SPATA16: variants seen among roughly 807,000 people sequenced by gnomAD.
SPATA16 encodes spermatogenesis associated 16.
Under a neutral mutation model 63.3 loss-of-function variants are expected in SPATA16, and 36 were observed. That is an observed-to-expected ratio of 0.57 (90% confidence interval 0.44 to 0.75). The LOEUF (loss-of-function observed/expected upper bound fraction) is 0.75. Among genes scored for constraint, SPATA16 ranks in the 30% least tolerant of loss-of-function variants. The probability of loss-of-function intolerance (pLI) is 0.00; values close to 1 mark genes in which losing one functional copy is unlikely to be tolerated. For missense variants in SPATA16, 646 were observed against 679.3 expected, an observed-to-expected ratio of 0.95 and a Z score of 0.54; for synonymous variants, 203 against 216.7, an observed-to-expected ratio of 0.94 and a Z score of 0.56.
intron 2 of SPATA16, among the ~76,000 whole-genome samples, chr3:173,086,645 AC>A (rs777529085): frequency 1.3e-5 from 2 of 152,018 alleles, no homozygotes; most frequent in Non-Finnish European, 2.9e-5. Context: ...TCAATTTGAG[AC>A]CTTTCTAGCT....
chr3:173,049,787 G>T (rs780350942), intron 2 of SPATA16, among the ~76,000 whole-genome samples: 58 of 152,058 alleles, frequency 3.8e-4, no homozygotes, highest in Non-Finnish European at 6.6e-4. Flanking sequence ...TGTAGAGAAA[G>T]AAAATAATTA....
Position 173,038,909 on chromosome 3 carries a change from T to C in SPATA16, c.758+10040A>G, listed in dbSNP as rs147812896. ...GTTGAGGAAGATATTGTCATGATCTTATGTTTAGAAATCTAGAAATTGAGG... is the reference window on the plus strand; with the variant it reads ...GTTGAGGAAGATATTGTCATGATCTCATGTTTAGAAATCTAGAAATTGAGG... On this transcript the variant is annotated intron_variant, in intron 3 of 10. Coordinates refer to ENST00000351008, the MANE Select transcript of SPATA16 (RefSeq NM_031955.6). 1.1e-3 allele frequency among the ~76,000 whole-genome samples: 174 copies of C among 152,260 alleles called. 3 individuals are homozygous for C. The East Asian group carries it at 0.03, about 27-fold the overall frequency.
At chr3:172,923,087 G>A (rs1339754572) in intron 8 of SPATA16, among the ~76,000 whole-genome samples, 1 of 152,200 alleles carries the variant, frequency 6.6e-6, no homozygotes, top group Non-Finnish European at 1.5e-5. Context: ...ACACGGTGAT[G>A]GTTCTGGTTA....
intron 6 of SPATA16, among the ~76,000 whole-genome samples, chr3:172,945,878 G>C (rs946160785): frequency 1.6e-4 from 24 of 152,232 alleles, no homozygotes; most frequent in Middle Eastern, 6.8e-3. Context: ...GTGGACTTGG[G>C]GTACATGACA....
At chr3:173,111,869 A>T (rs1737758270) in intron 2 of SPATA16, among the ~76,000 whole-genome samples, 1 of 152,214 alleles carries the variant, frequency 6.6e-6, no homozygotes, top group Non-Finnish European at 1.5e-5. Context: ...TGATTCCCAA[A>T]AGCTGGTTCT....
intron 2 of SPATA16, among the ~76,000 whole-genome samples, chr3:173,106,947 A>C (rs1737634919): frequency 6.6e-6 from 1 of 152,206 alleles, no homozygotes. Context: ...TGTGAGAATT[A>C]GATAGGTTAA....
At chr3:173,070,694 CAAGA>C (rs1442256362) in intron 2 of SPATA16, among the ~76,000 whole-genome samples, 1 of 151,946 alleles carries the variant, frequency 6.6e-6, no homozygotes, top group Non-Finnish European at 1.5e-5. Flanking sequence ...AAAAAGAAAC[CAAGA>C]AAGCAATCCC....
chr3:173,010,259 G>A (rs766454230), intron 4 of SPATA16, among the ~76,000 whole-genome samples: 2 of 152,138 alleles, frequency 1.3e-5, no homozygotes, highest in Non-Finnish European at 2.9e-5. Context: ...CCCCTCTGTT[G>A]CCCCCAGGTT....
rs1737912094 is a variant in SPATA16, at chr3:173,116,850, A to G, written c.612+270T>C. On this transcript the variant is annotated intron_variant, in intron 2 of 10. Transcript: ENST00000351008. Reference sequence around the variant, plus strand: ...ATGAAAGCAACTGCATTTTAAAAATATATCACCATTCACTTCAGGGTTTGT... The same window carrying G: ...ATGAAAGCAACTGCATTTTAAAAATGTATCACCATTCACTTCAGGGTTTGT... Among the ~76,000 whole-genome samples the G allele has an allele frequency of 2.0e-5, 3 of 152,230 alleles. No homozygotes were observed. In the South Asian group the frequency reaches 6.2e-4, roughly 32 times the overall value.
At chr3:173,014,151 T>C (rs1735129978) in intron 4 of SPATA16, among the ~76,000 whole-genome samples, 1 of 152,208 alleles carries the variant, frequency 6.6e-6, no homozygotes, top group Non-Finnish European at 1.5e-5. Flanking sequence ...ATTATAGCAC[T>C]ATCCACAATA....
chr3:172,919,104 A>G (rs1002723939), intron 8 of SPATA16, among the ~76,000 whole-genome samples: 2 of 152,238 alleles, frequency 1.3e-5, no homozygotes, highest in Non-Finnish European at 2.9e-5. Flanking sequence ...TATTAAAAAC[A>G]TGGTTAGTTA....
At chr3:173,047,611 G>C (rs1181359847) in intron 3 of SPATA16, among the ~76,000 whole-genome samples, 2 of 151,892 alleles carry the variant, frequency 1.3e-5, no homozygotes, top group Admixed American at 6.6e-5. Context: ...TAGTTTTCAA[G>C]TATTTTTCCC....
chr3:172,957,757 C>G (rs1444679115), intron 5 of SPATA16, among the ~76,000 whole-genome samples: 1 of 152,002 alleles, frequency 6.6e-6, no homozygotes, highest in African/African-American at 2.4e-5. Flanking sequence ...GAGAAAAAAC[C>G]ATTTAACAAA....
At chr3:172,930,331 T>A (rs1005861000) in intron 6 of SPATA16, among the ~76,000 whole-genome samples, 2 of 152,180 alleles carry the variant, frequency 1.3e-5, no homozygotes, top group African/African-American at 4.8e-5. Flanking sequence ...TCTTACATTT[T>A]CTCTAGTATC....
At chr3:172,949,636 A>T (rs1178886288) in intron 6 of SPATA16, among the ~76,000 whole-genome samples, 2 of 152,158 alleles carry the variant, frequency 1.3e-5, no homozygotes, top group Non-Finnish European at 2.9e-5. Context: ...GGAAAAATAA[A>T]GTGTTAACGG....
chr3:172,948,141 A>G (rs1364183285), intron 6 of SPATA16, among the ~76,000 whole-genome samples: 1 of 152,152 alleles, frequency 6.6e-6, no homozygotes, highest in Non-Finnish European at 1.5e-5. Flanking sequence ...GTTATAGAAC[A>G]CCAAGCAGAT....
intron 2 of SPATA16, among the ~76,000 whole-genome samples, chr3:173,086,535 C>T (rs1737058270): frequency 6.6e-6 from 1 of 152,050 alleles, no homozygotes; most frequent in South Asian, 2.1e-4. Flanking sequence ...TCTCTATATC[C>T]TTCAGTTCTG....
chr3:173,020,797 G>A (rs1735312101), intron 3 of SPATA16, among the ~76,000 whole-genome samples: 1 of 152,186 alleles, frequency 6.6e-6, no homozygotes, highest in Admixed American at 6.6e-5. Context: ...ATTTATCAAT[G>A]TGGGCTACAG....
At chr3:172,969,346 C>T (rs1733993751) in intron 5 of SPATA16, among the ~76,000 whole-genome samples, 1 of 152,110 alleles carries the variant, frequency 6.6e-6, no homozygotes, top group Non-Finnish European at 1.5e-5. Context: ...GGCAGGATCA[C>T]CTGTGCAGGT....
Sources: allele counts gnomAD v4.1 joint callset (sites outside exome capture counted in the v4.1 genomes callset), GRCh38; gene constraint gnomAD v4.1.1; transcripts MANE v1.5; gene names NCBI Gene and HGNC (gene_info 2026-07-23, HGNC 2026-07-21).